Variants in PTPRM observed in about 807,000 individuals in gnomAD.
PTPRM encodes the protein protein tyrosine phosphatase receptor type M, also known as receptor-type tyrosine-protein phosphatase mu.
A neutral mutation model predicts 186.7 loss-of-function variants in PTPRM; 47 were observed. That is an observed-to-expected ratio of 0.25 (90% CI 0.20 to 0.32). The LOEUF (loss-of-function observed/expected upper bound fraction) is 0.32, where lower values mean the gene tolerates loss of function less well. Ranked by LOEUF, PTPRM falls within the 10% of genes least tolerant of loss-of-function variation. The probability of loss-of-function intolerance (pLI) is 1.00; values close to 1 mark genes in which losing one functional copy is unlikely to be tolerated. For synonymous variants in PTPRM, 668 were observed against 674.9 expected, an observed-to-expected ratio of 0.99 and a Z score of 0.16; for missense variants, 1,494 against 1,865.0, an observed-to-expected ratio of 0.80 and a Z score of 3.66.
chr18:7,628,620 C>CT (rs968561790), intron 1 of PTPRM, among the ~76,000 whole-genome samples: 15 of 152,012 alleles, frequency 9.9e-5, no homozygotes, highest in Admixed American at 7.2e-4. Context: ...TCATTTTCAT[C>CT]TTTTTTTTAC....
intron 14 of PTPRM, among the ~76,000 whole-genome samples, chr18:8,164,489 A>G (rs892145583): frequency 6.6e-6 from 1 of 152,250 alleles, no homozygotes; most frequent in Non-Finnish European, 1.5e-5. Flanking sequence ...AATGTGGTCT[A>G]TCCATACAAC....
At chr18:7,695,327 A>G (rs1339215345) in intron 1 of PTPRM, among the ~76,000 whole-genome samples, 1 of 152,180 alleles carries the variant, frequency 6.6e-6, no homozygotes, top group Non-Finnish European at 1.5e-5. Flanking sequence ...GTCTACATGA[A>G]CACAATGCAG....
chr18:7,761,638 G>T (rs1427725892), intron 1 of PTPRM, among the ~76,000 whole-genome samples: 1 of 152,104 alleles, frequency 6.6e-6, no homozygotes, highest in South Asian at 2.1e-4. Context: ...TGTTCTTCCT[G>T]TTGGCTCTTA....
Position 8,331,166 on chromosome 18 carries a change from A to C in PTPRM, c.2956+11952A>C, listed in dbSNP as rs141632457. ...GAAATAGTTTACGTAACTGCTAGGGAGGTCCGATTCTAGAAGAGGACTGAA... is the reference window on the plus strand; with the variant it reads ...GAAATAGTTTACGTAACTGCTAGGGCGGTCCGATTCTAGAAGAGGACTGAA... On this transcript the variant is annotated intron_variant, in intron 22 of 32. Transcript: ENST00000580170. Among the ~76,000 whole-genome samples, 290 of 152,296 alleles carry C rather than the reference A, an allele frequency of 1.9e-3. 2 individuals are homozygous for C. Among genetic ancestry groups the C allele is most frequent in the Non-Finnish European group, 2.8e-3 (193 of 68,030 alleles).
chr18:7,946,936 T>C (rs1456102145), intron 5 of PTPRM: 6 of 456,094 alleles, frequency 1.3e-5, no homozygotes, highest in Non-Finnish European at 1.8e-5. Flanking sequence ...AGCCCCTTCT[T>C]TGGGGAGCTG....
intron 7 of PTPRM, among the ~76,000 whole-genome samples, chr18:7,993,213 G>C (rs550567119): frequency 6.6e-6 from 1 of 151,932 alleles, no homozygotes; most frequent in Non-Finnish European, 1.5e-5. Context: ...TAAAAAGAAA[G>C]CCTAAATGGC....
intron 2 of PTPRM, among the ~76,000 whole-genome samples, chr18:7,826,028 C>G (rs556863566): frequency 6.6e-6 from 1 of 152,202 alleles, no homozygotes; most frequent in East Asian, 1.9e-4. Context: ...CTCAGAGCAC[C>G]TTGTTGCTTG....
intron 22 of PTPRM, among the ~76,000 whole-genome samples, chr18:8,334,389 C>G (rs988928946): frequency 6.6e-6 from 1 of 152,182 alleles, no homozygotes; most frequent in African/African-American, 2.4e-5. Context: ...CATTGCCACA[C>G]TGGGGAGCCT....
At chr18:7,829,518 A>G (rs1260467743) in intron 2 of PTPRM, among the ~76,000 whole-genome samples, 4 of 152,326 alleles carry the variant, frequency 2.6e-5, no homozygotes, top group Non-Finnish European at 4.4e-5. Context: ...ATATATGTAA[A>G]CAAACAAAAC....
At chr18:7,822,820 T>C (rs1037594887) in intron 2 of PTPRM, among the ~76,000 whole-genome samples, 7 of 152,198 alleles carry the variant, frequency 4.6e-5, no homozygotes, top group Non-Finnish European at 1.0e-4. Context: ...CACACACTCA[T>C]GAGCCTATTC....
In PTPRM at chr18:7,964,344, G is replaced by A. The variant is rs572772286; in HGVS notation, c.1132+8930G>A. ...TTTCACTTTATAGTCTGACTGACTT[G>A]GGTGGGTGAATGTTGGTTCTGGCAC... On this transcript the variant is annotated intron_variant, in intron 7 of 32. Transcript: ENST00000580170. 8.5e-5 allele frequency among the ~76,000 whole-genome samples: 13 copies of A among 152,294 alleles called. No homozygotes were observed. The East Asian group carries it at 2.5e-3, about 29-fold the overall frequency.
At chr18:8,151,526 C>T (rs1419616546) in intron 14 of PTPRM, among the ~76,000 whole-genome samples, 3 of 137,720 alleles carry the variant, frequency 2.2e-5, no homozygotes, top group Non-Finnish European at 4.7e-5. Flanking sequence ...TCTCAGACTA[C>T]TGCTGTGCTG....
intron 13 of PTPRM, among the ~76,000 whole-genome samples, chr18:8,136,188 C>T (rs1317192715): frequency 6.6e-6 from 1 of 152,198 alleles, no homozygotes; most frequent in African/African-American, 2.4e-5. Context: ...TGGAAGCAGC[C>T]ACCCCCACTT....
At chr18:8,184,650 A>G (rs766627077) in intron 14 of PTPRM, among the ~76,000 whole-genome samples, 1 of 152,274 alleles carries the variant, frequency 6.6e-6, no homozygotes, top group Admixed American at 6.5e-5. Context: ...GCCCTAATCT[A>G]TAACACTGGC....
intron 19 of PTPRM, among the ~76,000 whole-genome samples, chr18:8,282,436 G>T (rs1166076049): frequency 6.6e-6 from 1 of 152,184 alleles, no homozygotes; most frequent in African/African-American, 2.4e-5. Flanking sequence ...GCTGAGGTGG[G>T]TGGATCACCT....
intron 2 of PTPRM, among the ~76,000 whole-genome samples, chr18:7,883,567 G>A (rs1446571986): frequency 6.6e-6 from 1 of 152,120 alleles, no homozygotes; most frequent in Admixed American, 6.5e-5. Flanking sequence ...AAACTCATTG[G>A]CACATAATAG....
At chr18:8,387,373 CAGTG>C in intron 31 of PTPRM, 138 bp downstream of exon 31, 1 of 879,628 alleles carries the variant, frequency 1.1e-6, no homozygotes, top group Admixed American at 2.8e-5. Context: ...TCATGACACT[CAGTG>C]AGGGATTGGT....
intron 1 of PTPRM, among the ~76,000 whole-genome samples, chr18:7,759,842 G>A (rs892387919): frequency 9.9e-5 from 15 of 152,270 alleles, no homozygotes; most frequent in Non-Finnish European, 1.8e-4. Flanking sequence ...AATTGTAGAC[G>A]TTAGTAAGCA....
chr18:7,758,253 A>G (rs902111016), intron 1 of PTPRM, among the ~76,000 whole-genome samples: 5 of 152,188 alleles, frequency 3.3e-5, no homozygotes, highest in Admixed American at 2.0e-4. Flanking sequence ...CTGTTCAGAT[A>G]CTCAAAGGGA....
Sources: allele counts gnomAD v4.1 joint callset (sites outside exome capture counted in the v4.1 genomes callset), GRCh38; gene constraint gnomAD v4.1.1; transcripts MANE v1.5; gene names NCBI Gene and HGNC (gene_info 2026-07-23, HGNC 2026-07-21).